Variants in CWC27 observed in about 807,000 individuals in gnomAD.
CWC27 encodes the protein spliceosome-associated protein CWC27 homolog.
CWC27 carries 47 observed loss-of-function variants against 63.6 expected under a neutral mutation model. The ratio of observed to expected loss-of-function variants is 0.74; its 90% CI spans 0.58 to 0.94. The LOEUF (loss-of-function observed/expected upper bound fraction) is 0.94. Among genes scored for constraint, CWC27 ranks in the 40% least tolerant of loss-of-function variants. CWC27 has a pLI of 0.00. For synonymous variants in CWC27, 175 were observed against 179.8 expected (o/e 0.97, Z 0.22); for missense variants, 495 against 554.3 (o/e 0.89, Z 1.07).
chr5:65,005,569 C>A (rs909001070), intron 13 of CWC27, among the ~76,000 whole-genome samples: 7 of 152,168 alleles, frequency 4.6e-5, no homozygotes, highest in African/African-American at 1.7e-4. Context: ...ACAGATGGGG[C>A]AGGCCTGTCC....
At chr5:64,999,592 A>G (rs141715336) in intron 13 of CWC27, among the ~76,000 whole-genome samples, 189 of 152,196 alleles carry the variant, frequency 1.2e-3, no homozygotes, top group African/African-American at 4.3e-3. Flanking sequence ...GCAGTATTTC[A>G]TCCTTCTCTG....
intron 11 of CWC27, among the ~76,000 whole-genome samples, chr5:64,909,692 C>G (rs185474240): frequency 6.6e-6 from 1 of 152,100 alleles, no homozygotes; most frequent in Non-Finnish European, 1.5e-5. Flanking sequence ...ATTTGATCTT[C>G]AGTCACTGAT....
In CWC27 at chr5:64,783,939, G is replaced by A. The variant is rs149610828; in HGVS notation, c.356G>A (p.Arg119Gln). The A allele has an allele frequency of 2.0e-5, 32 of 1,600,594 alleles. No individual in the cohort carries two copies. The African/African-American group carries it at 3.4e-4, about 17-fold the overall frequency. The change falls in exon 4 of 14, where the codon CGA becomes CAA. Residue 119 changes from arginine (R) to glutamine (Q), a missense_variant. By Grantham distance (43) the Arg-to-Gln change is conservative (BLOSUM62 1). Transcript: ENST00000381070. ...AGCCAGTTTTTCTTCACACTGGGTC[G>A]AGCAGATGAACTTAACAATAAGCAT... ...NGSQFFFTLG[R>Q]ADELNNKHTI... is the part of the protein sequence containing the mutation.
rs79043470 is a variant in CWC27 at position 64,779,545 on chromosome 5, A to C, written c.140-2376A>C. 2.6e-3 allele frequency among the ~76,000 whole-genome samples: 392 copies of C among 152,336 alleles called. 2 individuals are homozygous for C. The highest frequency in any genetic ancestry group is 0.014 in the Middle Eastern group (4 of 294). Reference sequence around the variant, plus strand: ...CTGTGGTGAAGTTTATATAAAATAGAACTAACCATTTTAAAGTGTACAGTT... The same window carrying C: ...CTGTGGTGAAGTTTATATAAAATAGCACTAACCATTTTAAAGTGTACAGTT... On this transcript the variant is annotated intron_variant, in intron 2 of 13. Transcript: ENST00000381070.
chr5:64,803,085 C>T (rs1023941715), intron 9 of CWC27, among the ~76,000 whole-genome samples: 1 of 152,040 alleles, frequency 6.6e-6, no homozygotes, highest in Admixed American at 6.6e-5. Context: ...ATTCCTACCC[C>T]AGAGATTTTG....
chr5:64,989,838 T>C (rs1392259754), intron 13 of CWC27, among the ~76,000 whole-genome samples: 1 of 152,178 alleles, frequency 6.6e-6, no homozygotes, highest in East Asian at 1.9e-4. Context: ...CAGAAATTCT[T>C]TGGAGAGATT....
At chr5:64,893,102 A>ATTGTT (rs1747281161) in intron 11 of CWC27, among the ~76,000 whole-genome samples, 3 of 152,216 alleles carry the variant, frequency 2.0e-5, no homozygotes, top group African/African-American at 4.8e-5. Context: ...CACGTGTTTT[A>ATTGTT]TTGTTTTGTT....
intron 2 of CWC27, among the ~76,000 whole-genome samples, chr5:64,779,894 T>A (rs1177747972): frequency 6.6e-6 from 1 of 152,180 alleles, no homozygotes; most frequent in Admixed American, 6.5e-5. Flanking sequence ...TTGCGCTCAC[T>A]CCATCCTGCT....
At chr5:64,841,900 G>A (rs937853373) in intron 10 of CWC27, among the ~76,000 whole-genome samples, 2 of 151,808 alleles carry the variant, frequency 1.3e-5, no homozygotes, top group South Asian at 2.1e-4. Flanking sequence ...GGCTGGTCTC[G>A]AACTCCCAAC....
intron 10 of CWC27, among the ~76,000 whole-genome samples, chr5:64,870,039 T>C (rs1324423123): frequency 1.3e-5 from 2 of 152,076 alleles, no homozygotes; most frequent in East Asian, 3.8e-4. Context: ...ACCCTTGTAG[T>C]GGCATAGTGG....
chr5:64,985,296 T>C (rs1749404452), intron 13 of CWC27, among the ~76,000 whole-genome samples: 1 of 152,222 alleles, frequency 6.6e-6, no homozygotes, highest in Non-Finnish European at 1.5e-5. Flanking sequence ...AGTTTGTCTA[T>C]TTCTACAAAA....
At chr5:64,943,140 A>G (rs900550879) in intron 11 of CWC27, among the ~76,000 whole-genome samples, 1 of 152,192 alleles carries the variant, frequency 6.6e-6, no homozygotes, top group African/African-American at 2.4e-5. Flanking sequence ...CAGTATGATT[A>G]TACTCCTAGG....
At position 64,813,418 on chromosome 5, in the gene CWC27, A is replaced by C. The variant is rs149084799; in HGVS notation, c.938+9032A>C. Among the ~76,000 whole-genome samples the C allele has an allele frequency of 3.8e-3, 581 of 152,332 alleles. 2 individuals carry two copies. Among genetic ancestry groups the C allele is most frequent in the African/African-American group, 0.013 (547 of 41,588 alleles). On this transcript the variant is annotated intron_variant, in intron 10 of 13. Coordinates refer to ENST00000381070, the MANE Select transcript of CWC27 (RefSeq NM_005869.4). ...CAAAAAAAATCCTTGAACTTCAGCT[A>C]TGTATATCAGAAATATGACAACCCT...
rs912180324 is a variant in CWC27 at position 64,967,618 on chromosome 5, T to C, written c.1043-4085T>C. On this transcript the variant is annotated intron_variant, in intron 11 of 13. Transcript: ENST00000381070. ...AGAAGAGAGTGTATAGAAATAGATA[T>C]ACATATGTGGTCAATTGATTTTCAA... Among the ~76,000 whole-genome samples the C allele has an allele frequency of 6.6e-5, 10 of 151,934 alleles. No individual in the cohort carries two copies. The East Asian group carries it at 1.3e-3, about 20-fold the overall frequency.
chr5:64,975,358 C>T (rs892060064), intron 12 of CWC27, among the ~76,000 whole-genome samples: 8 of 152,080 alleles, frequency 5.3e-5, no homozygotes, highest in African/African-American at 1.7e-4. Context: ...ACCAGTTATT[C>T]ACATGTTGAA....
intron 11 of CWC27, among the ~76,000 whole-genome samples, chr5:64,970,550 G>T (rs2112441348): frequency 6.6e-6 from 1 of 152,256 alleles, no homozygotes; most frequent in East Asian, 1.9e-4. Flanking sequence ...ATCACTTCAT[G>T]TATACCAGTC....
At chr5:64,890,920 G>A (rs539076993) in intron 11 of CWC27, among the ~76,000 whole-genome samples, 5 of 152,190 alleles carry the variant, frequency 3.3e-5, no homozygotes, top group Admixed American at 3.3e-4. Context: ...TATTTTATTG[G>A]GCTAACAACA....
chr5:64,847,911 A>T (rs1746032876), intron 10 of CWC27, among the ~76,000 whole-genome samples: 1 of 151,962 alleles, frequency 6.6e-6, no homozygotes, highest in East Asian at 1.9e-4. Flanking sequence ...CAAAAAAAAA[A>T]TATCAAAAAA....
At chr5:64,903,337 A>G (rs762672370) in intron 11 of CWC27, among the ~76,000 whole-genome samples, 3 of 152,200 alleles carry the variant, frequency 2.0e-5, no homozygotes, top group South Asian at 2.1e-4. Context: ...ATGGAATACT[A>G]TGCAGCCATA....
Sources: gnomAD v4.1 joint callset for allele counts (sites outside exome capture counted in the v4.1 genomes callset) on GRCh38, gnomAD v4.1.1 for gene constraint, MANE v1.5 for transcripts, NCBI Gene and HGNC (gene_info 2026-07-23, HGNC 2026-07-21) for gene names.